The following DAB1 variants were observed in gnomAD, a reference collection of about 807,000 sequenced individuals.
The protein encoded by DAB1 is DAB adaptor protein 1, also known as disabled homolog 1.
Under a neutral mutation model 64.6 loss-of-function variants are expected in DAB1, and 15 were observed. The observed-to-expected ratio is 0.23, with a 90% CI of 0.16 to 0.36. The LOEUF is 0.36. Ranked by LOEUF, DAB1 falls within the 10% of genes least tolerant of loss-of-function variation. The probability of loss-of-function intolerance (pLI) is 1.00; values close to 1 mark genes in which losing one functional copy is unlikely to be tolerated. For missense variants in DAB1, 596 were observed against 706.7 expected (o/e 0.84, Z 1.78); for synonymous variants, 235 against 251.9 (o/e 0.93, Z 0.64).
intron 7 of DAB1, among the ~76,000 whole-genome samples, chr1:57,530,975 T>C (rs1046866537): frequency 7.2e-5 from 11 of 152,162 alleles, no homozygotes; most frequent in Admixed American, 3.9e-4. Context: ...TATTGTCAAA[T>C]CAGTCACTCC....
At chr1:57,045,873 T>C (rs1427836745) in intron 9 of DAB1, among the ~76,000 whole-genome samples, 1 of 152,032 alleles carries the variant, frequency 6.6e-6, no homozygotes, top group Admixed American at 6.5e-5. Flanking sequence ...GGCAGGAAGA[T>C]GGGAGGTGGA....
intron 5 of DAB1, among the ~76,000 whole-genome samples, chr1:57,917,757 G>T (rs1260459398): frequency 6.6e-6 from 1 of 152,130 alleles, no homozygotes; most frequent in East Asian, 1.9e-4. Flanking sequence ...ACTGTAAAGA[G>T]CCCACCCTCT....
At chr1:58,378,094 A>G (rs12034857) in intron 3 of DAB1, among the ~76,000 whole-genome samples, 13,825 of 131,062 alleles carry the variant, frequency 0.11, 1,961 homozygotes, top group East Asian at 0.22. Context: ...AATTTTTTTC[A>G]AAGTTTTCAA....
intron 1 of DAB1, among the ~76,000 whole-genome samples, chr1:57,359,457 T>C (rs111591101): frequency 9.5e-4 from 145 of 152,048 alleles, no homozygotes; most frequent in African/African-American, 3.3e-3. Context: ...GGCAAGGATA[T>C]AGAGAAATGG....
chr1:57,598,320 C>G (rs761933952), intron 7 of DAB1, among the ~76,000 whole-genome samples: 10 of 152,378 alleles, frequency 6.6e-5, no homozygotes, highest in Non-Finnish European at 1.3e-4. Flanking sequence ...GTGATGCTGC[C>G]CATGCACAGA....
chr1:57,329,817 T>G (rs114447605), intron 1 of DAB1, among the ~76,000 whole-genome samples: 2,221 of 152,196 alleles, frequency 0.015, 39 homozygotes, highest in African/African-American at 0.043. Flanking sequence ...TAGTGAAAAA[T>G]CTACTATCAA....
intron 7 of DAB1, among the ~76,000 whole-genome samples, chr1:57,526,768 C>T (rs1016421944): frequency 3.9e-5 from 6 of 152,260 alleles, no homozygotes; most frequent in Non-Finnish European, 7.4e-5. Flanking sequence ...AAAATAATAA[C>T]CCTGCAATTA....
intron 4 of DAB1, among the ~76,000 whole-genome samples, chr1:58,220,896 T>G (rs566590503): frequency 1.3e-5 from 2 of 150,886 alleles, no homozygotes; most frequent in Admixed American, 1.3e-4. Context: ...CACACATATA[T>G]ATATTATCAA....
intron 4 of DAB1, among the ~76,000 whole-genome samples, chr1:58,195,478 GA>G (rs1657627964): frequency 6.6e-6 from 1 of 152,020 alleles, no homozygotes; most frequent in African/African-American, 2.4e-5. Context: ...GGAAGAAGAA[GA>G]GATAGAGAAA....
chr1:57,887,560 T>C (rs556706837), upstream of DAB1, among the ~76,000 whole-genome samples: 1 of 152,322 alleles, frequency 6.6e-6, no homozygotes, highest in South Asian at 2.1e-4. Flanking sequence ...GTAGTTGCAT[T>C]CCTATCAGTC....
intron 1 of DAB1, chr1:57,874,033 C>A (rs1349373896): frequency 1.3e-5 from 2 of 151,978 alleles, no homozygotes; most frequent in Non-Finnish European, 2.9e-5. Context: ...GGAGTCACTG[C>A]TGAAGAGAAG....
At chr1:57,565,932 G>T (rs1045752701) in intron 7 of DAB1, among the ~76,000 whole-genome samples, 8 of 152,170 alleles carry the variant, frequency 5.3e-5, no homozygotes, top group African/African-American at 1.9e-4. Flanking sequence ...AGACCTAATA[G>T]ACATCTACAG....
At chr1:57,443,942 C>T (rs371019870) in intron 7 of DAB1, among the ~76,000 whole-genome samples, 7 of 152,294 alleles carry the variant, frequency 4.6e-5, no homozygotes, top group African/African-American at 1.7e-4. Flanking sequence ...GTGTTGAAAA[C>T]ACATCAAAGG....
intron 4 of DAB1, among the ~76,000 whole-genome samples, chr1:58,328,464 T>G (rs924729579): frequency 6.6e-6 from 1 of 152,200 alleles, no homozygotes; most frequent in Admixed American, 6.5e-5. Context: ...ATGGCTGCAC[T>G]GCAGGCGATG....
intron 3 of DAB1, among the ~76,000 whole-genome samples, chr1:58,343,795 A>C (rs1643966661): frequency 6.6e-6 from 1 of 152,242 alleles, no homozygotes; most frequent in Non-Finnish European, 1.5e-5. Flanking sequence ...GAGTATAATA[A>C]GATAATGATA....
chr1:57,086,097 T>TC lies in DAB1; in HGVS notation c.307-13684dup, dbSNP rs553596786. 2.4e-3 allele frequency among the ~76,000 whole-genome samples: 372 copies of TC among 152,092 alleles called. 1 individual carries two copies. The highest frequency in any genetic ancestry group is 4.0e-3 in the Non-Finnish European group (273 of 67,974). Reference sequence around the variant, plus strand: ...TTGAAGGTGACAAGACAGGCAGGGGTCAGGGGATGCAGAATTTTGAAGGCC... The same window carrying TC: ...TTGAAGGTGACAAGACAGGCAGGGGTCCAGGGGATGCAGAATTTTGAAGGCC... On this transcript the variant is annotated intron_variant, in intron 4 of 14. Transcript: ENST00000371236.
chr1:57,633,022 T>C lies in DAB1; in HGVS notation n.625+16570A>G, dbSNP rs1327467270. Among the ~76,000 whole-genome samples, 3 of 152,354 alleles carry C rather than the reference T, an allele frequency of 2.0e-5. No individual in the cohort carries two copies. The South Asian group carries it at 6.2e-4, about 32-fold the overall frequency. On this transcript the variant is annotated intron_variant and non_coding_transcript_variant, in intron 7 of 20. Transcript: ENST00000485760. ...TGATTTTTCTAAAGCAGACAGTAAG[T>C]ATTCAGTAAACATGGCTTTTCCATA...
intron 6 of DAB1, among the ~76,000 whole-genome samples, chr1:57,750,435 C>A (rs943155778): frequency 6.6e-6 from 1 of 152,182 alleles, no homozygotes; most frequent in Non-Finnish European, 1.5e-5. Flanking sequence ...TTTTCTCCTA[C>A]CTACCTGAGT....
At chr1:57,483,493 C>T (rs1644049912) in intron 7 of DAB1, among the ~76,000 whole-genome samples, 1 of 152,222 alleles carries the variant, frequency 6.6e-6, no homozygotes, top group Admixed American at 6.5e-5. Context: ...CTATGTGCAA[C>T]TGTGAGTCCA....
Sources: allele counts gnomAD v4.1 joint callset (sites outside exome capture counted in the v4.1 genomes callset), GRCh38; gene constraint gnomAD v4.1.1; transcripts MANE v1.5; gene names NCBI Gene and HGNC (gene_info 2026-07-23, HGNC 2026-07-21).